Variants in PFKP observed in about 807,000 individuals in gnomAD.
PFKP encodes the protein phosphofructokinase, platelet, also known as ATP-dependent 6-phosphofructokinase, platelet type.
Under a neutral mutation model 94.3 loss-of-function variants are expected in PFKP, and 101 were observed. That is an observed-to-expected ratio of 1.07 (90% CI 0.91 to 1.26). The LOEUF (loss-of-function observed/expected upper bound fraction) is 1.26. Ranked by LOEUF, PFKP falls within the 50% of genes most tolerant of loss-of-function variation. The pLI is 0.00. For synonymous variants in PFKP, 573 were observed against 432.6 expected (o/e 1.32, Z -4.03); for missense variants, 1,145 against 1,103.3 (o/e 1.04, Z -0.53).
chr10:3,105,324 G>A (rs571969881), intron 6 of PFKP, 69 bp from the exon 7 acceptor site: 38 of 1,384,378 alleles, frequency 2.7e-5, no homozygotes, highest in East Asian at 2.3e-4. Flanking sequence ...GTCGCTGAGC[G>A]GGGTGCCTGG....
rs900066995 is a variant in PFKP at position 3,103,452 on chromosome 10, G to A, written c.455-327G>A. On this transcript the variant is annotated intron_variant, in intron 4 of 21. Coordinates refer to ENST00000381125, the MANE Select transcript of PFKP (RefSeq NM_002627.5). ...ACTTGAGCCCAGGAATTTAAGACCC[G>A]CCTGGGCAACATAGAGTGTGGGTCT... 4.6e-5 allele frequency among the ~76,000 whole-genome samples: 7 copies of A among 152,222 alleles called. No homozygotes were observed. The South Asian group carries it at 1.0e-3, about 23-fold the overall frequency.
At chr10:3,074,647 G>A (rs1016288553) in intron 1 of PFKP, among the ~76,000 whole-genome samples, 11 of 152,208 alleles carry the variant, frequency 7.2e-5, no homozygotes, top group African/African-American at 9.7e-5. Context: ...TGGGGTGAAT[G>A]GGCACTCAGC....
At chr10:3,112,118 C>G in intron 10 of PFKP, 104 bp from the exon 11 acceptor site, 2 of 916,966 alleles carry the variant, frequency 2.2e-6, no homozygotes, top group Non-Finnish European at 3.6e-6. Flanking sequence ...CCGGGTCAGA[C>G]TGGAGGGGGC....
intron 16 of PFKP, chr10:3,125,148 CT>C (rs1279109035): frequency 2.2e-6 from 3 of 1,346,932 alleles, no homozygotes; most frequent in Admixed American, 4.0e-5. Context: ...CCACCAGGAG[CT>C]TTGCATCCCC....
At chr10:3,086,525 C>T (rs1057076758) in intron 2 of PFKP, among the ~76,000 whole-genome samples, 2 of 152,106 alleles carry the variant, frequency 1.3e-5, no homozygotes, top group African/African-American at 4.8e-5. Flanking sequence ...AAGGATTGCC[C>T]CTGGAATGTA....
At chr10:3,101,293 C>A in intron 3 of PFKP, 72 bp from the exon 4 acceptor site, 3 of 1,241,656 alleles carry the variant, frequency 2.4e-6, no homozygotes, top group Admixed American at 2.4e-5. Context: ...TGTTTATAGT[C>A]GGCCTGTGTG....
At chr10:3,122,016 C>T (rs1284572791) in intron 16 of PFKP, among the ~76,000 whole-genome samples, 2 of 151,688 alleles carry the variant, frequency 1.3e-5, no homozygotes, top group Non-Finnish European at 2.9e-5. Flanking sequence ...GAGACGGGGT[C>T]TCCCTGTGTT....
In PFKP at chr10:3,119,920, C is replaced by A. The variant is rs1474366521; in HGVS notation, c.1559C>A (p.Ala520Asp). 6.2e-7 allele frequency: 1 copy of A among 1,614,158 alleles called. No individual in the cohort carries two copies. Among genetic ancestry groups the A allele is most frequent in the Non-Finnish European group, 8.5e-7 (1 of 1,180,018 alleles). The change falls in exon 16 of 22, where the codon GCC becomes GAC. Residue 520 changes from alanine to aspartate, a missense_variant. Ala to Asp is a moderately radical substitution (Grantham distance 126, BLOSUM62 -2). Around this residue, in one of 3 missense-constraint regions of PFKP, gnomAD observed 1,119 missense variants for 1,062.8 expected, o/e 1.05. Coordinates refer to ENST00000381125, the MANE Select transcript of PFKP (RefSeq NM_002627.5). ...EAYLGLLELS[A>D]AREKHEEFCV... ...TACCTGGGACTCCTGGAGCTGTCAG[C>A]CGCCCGGGAGAAGCACGAGGAGTTC...
chr10:3,130,025 C>T (rs575673212), intron 17 of PFKP, 42 bp downstream of exon 17: 5 of 1,516,926 alleles, frequency 3.3e-6, no homozygotes, highest in Non-Finnish European at 3.6e-6. Context: ...CCCTTGGGAT[C>T]CACTGGGTGC....
intron 1 of PFKP, among the ~76,000 whole-genome samples, chr10:3,076,017 CAAA>C (rs59102828): frequency 8.1e-5 from 5 of 61,850 alleles, no homozygotes; most frequent in Non-Finnish European, 1.3e-4. Context: ...GACTCCGTCT[CAAA>C]AAAAAAAAAA....
At chr10:3,131,867 C>T (rs1408961822) in intron 17 of PFKP, among the ~76,000 whole-genome samples, 33 of 152,250 alleles carry the variant, frequency 2.2e-4, no homozygotes, top group Non-Finnish European at 4.3e-4. Context: ...CTCTTGTAAT[C>T]CTCCTAACAT....
chr10:3,132,357 A>G, intron 17 of PFKP, 23 bp from the exon 18 acceptor site: 1 of 1,577,298 alleles, frequency 6.3e-7, no homozygotes, highest in Non-Finnish European at 8.7e-7. Context: ...TTATTGTCTG[A>G]TTAACAAAAT....
intron 1 of PFKP, among the ~76,000 whole-genome samples, chr10:3,079,391 C>T (rs184180001): frequency 0.04 from 6,139 of 151,968 alleles, 190 homozygotes; most frequent in East Asian, 0.076. Flanking sequence ...CCCGCCACCA[C>T]GCCTGGCTAA....
At chr10:3,119,594 G>C (rs1205671527) in intron 15 of PFKP, among the ~76,000 whole-genome samples, 1 of 110,812 alleles carries the variant, frequency 9.0e-6, no homozygotes, top group Non-Finnish European at 1.9e-5. Flanking sequence ...CACAAAGCGA[G>C]ACTCCGTCTC....
intron 2 of PFKP, among the ~76,000 whole-genome samples, chr10:3,089,014 C>T (rs12762623): frequency 0.63 from 95,272 of 152,026 alleles, 31,072 homozygotes; most frequent in Middle Eastern, 0.74. Flanking sequence ...TCACTGCAAC[C>T]TCTGCCTCCC....
chr10:3,121,565 T>A (rs965405764), intron 16 of PFKP, among the ~76,000 whole-genome samples: 1 of 143,246 alleles, frequency 7.0e-6, no homozygotes, highest in Admixed American at 7.3e-5. Context: ...TCCAGGGTCC[T>A]CTGCTATAAA....
intron 16 of PFKP, among the ~76,000 whole-genome samples, chr10:3,121,804 T>C (rs1335461729): frequency 2.5e-3 from 29 of 11,712 alleles, no homozygotes; most frequent in African/African-American, 5.7e-3. Flanking sequence ...TTTTTTTTTC[T>C]TTTTTTTTTT....
At chr10:3,130,460 C>A (rs559031004) in intron 17 of PFKP, among the ~76,000 whole-genome samples, 2 of 152,304 alleles carry the variant, frequency 1.3e-5, no homozygotes, top group East Asian at 3.9e-4. Context: ...CGGTCTGCCC[C>A]TGCTTGGACG....
At position 3,136,003 on chromosome 10, in the gene PFKP, T is replaced by G. The variant is rs937474641; in HGVS notation, c.2225+165T>G. ...GGTCTTGGCTGGGCGCGGTGGCTCATGCCTATAATCCCAGCACTGTGGGAG... is the reference window on the plus strand; with the variant it reads ...GGTCTTGGCTGGGCGCGGTGGCTCAGGCCTATAATCCCAGCACTGTGGGAG... On this transcript the variant is annotated intron_variant, in intron 21 of 21. Coordinates refer to ENST00000381125, the MANE Select transcript of PFKP (RefSeq NM_002627.5). Among the ~76,000 whole-genome samples the G allele has an allele frequency of 2.6e-5, 4 of 152,110 alleles. No individual in the cohort carries two copies. The South Asian group carries it at 8.3e-4, about 32-fold the overall frequency.
Sources: allele counts gnomAD v4.1 joint callset (sites outside exome capture counted in the v4.1 genomes callset), GRCh38; gene constraint gnomAD v4.1.1; regional missense constraint gnomAD v4.1.1; transcripts MANE v1.5; gene names NCBI Gene and HGNC (gene_info 2026-07-23, HGNC 2026-07-21).